Variants in SERPINB8 observed in about 807,000 individuals in gnomAD.
SERPINB8 encodes the protein serpin family B member 8.
Under a neutral mutation model 35.3 loss-of-function variants are expected in SERPINB8, and 25 were observed. The observed-to-expected ratio is 0.71, with a 90% CI of 0.52 to 0.99. The LOEUF is 0.99. Ranked by LOEUF, SERPINB8 falls within the 50% of genes least tolerant of loss-of-function variation. The pLI is 0.00. For synonymous variants in SERPINB8, 186 were observed against 160.8 expected (o/e 1.16, Z -1.19); for missense variants, 484 against 446.5 (o/e 1.08, Z -0.76).
chr18:64,007,090 GA>G (rs1568080998), downstream of SERPINB8, among the ~76,000 whole-genome samples: 1 of 151,456 alleles, frequency 6.6e-6, no homozygotes, highest in African/African-American at 2.4e-5. Context: ...TAACTGCAAT[GA>G]AAAAAATACA....
At chr18:63,974,236 C>T (rs2050543979) in intron 1 of SERPINB8, among the ~76,000 whole-genome samples, 1 of 152,194 alleles carries the variant, frequency 6.6e-6, no homozygotes, top group Admixed American at 6.5e-5. Context: ...TGAAACTACG[C>T]ATTTCCATAT....
At chr18:63,999,047 G>A (rs1338382016) in intron 1 of SERPINB8, among the ~76,000 whole-genome samples, 1 of 152,212 alleles carries the variant, frequency 6.6e-6, no homozygotes, top group East Asian at 1.9e-4. Flanking sequence ...CCATGTCACA[G>A]TCAATGAGGA....
chr18:63,994,370 G>A (rs1400432033), downstream of SERPINB8, among the ~76,000 whole-genome samples: 3 of 151,892 alleles, frequency 2.0e-5, no homozygotes, highest in East Asian at 3.9e-4. Context: ...TTTGACAAAG[G>A]AGCTGAGTGG....
intron 1 of SERPINB8, among the ~76,000 whole-genome samples, chr18:63,976,104 G>C (rs1035172694): frequency 2.6e-5 from 4 of 152,034 alleles, no homozygotes; most frequent in Non-Finnish European, 4.4e-5. Flanking sequence ...TATTTTTCTT[G>C]TTTGACTACA....
downstream of SERPINB8, among the ~76,000 whole-genome samples, chr18:64,007,728 C>A (rs1011861565): frequency 1.3e-5 from 2 of 152,112 alleles, no homozygotes; most frequent in Non-Finnish European, 2.9e-5. Context: ...CCCTTTTATA[C>A]AATCAGATCT....
intron 1 of SERPINB8, among the ~76,000 whole-genome samples, chr18:63,996,577 G>A (rs148966898): frequency 6.6e-6 from 1 of 152,296 alleles, no homozygotes. Flanking sequence ...AATAGGTTAT[G>A]CTCTGGGGAG....
chr18:63,981,602 A>T, intron 3 of SERPINB8, 119 bp from the exon 4 acceptor site: 1 of 700,788 alleles, frequency 1.4e-6, no homozygotes, highest in Admixed American at 2.3e-5. Flanking sequence ...TGCACCTTGA[A>T]GTGGAGTGTG....
intron 7 of SERPINB8, among the ~76,000 whole-genome samples, chr18:64,017,927 A>T (rs2050958142): frequency 6.6e-6 from 1 of 152,218 alleles, no homozygotes; most frequent in Admixed American, 6.5e-5. Flanking sequence ...TATAATAATA[A>T]TTTTAAAACT....
At chr18:63,983,232 C>T (rs772341878) in intron 4 of SERPINB8, among the ~76,000 whole-genome samples, 1 of 152,152 alleles carries the variant, frequency 6.6e-6, no homozygotes, top group Non-Finnish European at 1.5e-5. Flanking sequence ...GGTTGACTGC[C>T]CCATAGTCAG....
rs1232562441 is a variant in SERPINB8 at position 63,985,075 on chromosome 18, C to CT, written c.568-15dup. On this transcript the variant is annotated splice_polypyrimidine_tract_variant and intron_variant, in intron 5 of 6. Coordinates refer to ENST00000397985, the MANE Select transcript of SERPINB8 (RefSeq NM_002640.4). ...TTATACCCACTTTTCAGTAATCGAA[C>CT]TTTAATTTTTCCGTTAGGAAAAAAA... 2.5e-6 allele frequency: 4 copies of CT among 1,612,030 alleles called. No homozygotes were observed. The highest frequency in any genetic ancestry group is 3.4e-6 in the Non-Finnish European group (4 of 1,178,676).
chr18:64,015,599 T>C (rs980506337), intron 7 of SERPINB8, among the ~76,000 whole-genome samples: 8 of 152,374 alleles, frequency 5.3e-5, no homozygotes, highest in Admixed American at 2.6e-4. Context: ...TCTGGTGTGC[T>C]TGTTATGTCG....
rs891269715 is a variant in SERPINB8 at position 63,996,554 on chromosome 18, G to A, written c.71-8265G>A. ...CAAAGTGACCTAAATTCCCCACATA[G>A]CTGCCATCAATGAATAGGTTATGCT... is the stretch of plus-strand genomic sequence containing the variant. On this transcript the variant is annotated intron_variant, in intron 1 of 1. Transcript: ENST00000493661. Among the ~76,000 whole-genome samples, 17 of 152,230 alleles carry A rather than the reference G, an allele frequency of 1.1e-4. No individual in the cohort carries two copies. The East Asian group carries it at 2.5e-3, about 22-fold the overall frequency.
intron 4 of SERPINB8, among the ~76,000 whole-genome samples, chr18:63,982,276 G>A (rs1379486351): frequency 1.3e-5 from 2 of 152,028 alleles, no homozygotes; most frequent in Non-Finnish European, 2.9e-5. Context: ...TTTTTAACTT[G>A]GCCATGGCTA....
chr18:63,977,355 C>T (rs2144795965), intron 1 of SERPINB8, among the ~76,000 whole-genome samples: 1 of 151,542 alleles, frequency 6.6e-6, no homozygotes, highest in South Asian at 2.1e-4. Context: ...GAGATGGAGT[C>T]TCACTCTGTT....
chr18:64,013,341 A>C (rs2050934586), intron 7 of SERPINB8, among the ~76,000 whole-genome samples: 1 of 152,074 alleles, frequency 6.6e-6, no homozygotes, highest in Admixed American at 6.5e-5. Flanking sequence ...AAATCAACCC[A>C]AAACCTTCCA....
chr18:64,005,236 T>C (rs1178537360), exon 2 of SERPINB8: 1 of 173,914 alleles, frequency 5.7e-6, no homozygotes, highest in East Asian at 1.5e-4. Flanking sequence ...ACAACTGGAA[T>C]TCTCCTACAT....
At chr18:64,015,779 G>C (rs1371058007) in intron 7 of SERPINB8, among the ~76,000 whole-genome samples, 22 of 152,002 alleles carry the variant, frequency 1.4e-4, no homozygotes, top group Admixed American at 1.4e-3. Context: ...TCCTCATTTG[G>C]GGCCTTTGAA....
At chr18:63,985,315 C>G in intron 6 of SERPINB8, 70 bp downstream of exon 6, 1 of 1,550,090 alleles carries the variant, frequency 6.5e-7, no homozygotes, top group East Asian at 2.3e-5. Context: ...GTTCATCTAC[C>G]AATTGGCATT....
chr18:63,986,294 C>T, intron 6 of SERPINB8: 9 of 1,609,930 alleles, frequency 5.6e-6, no homozygotes, highest in Non-Finnish European at 7.6e-6. Context: ...GAAGCTAACT[C>T]CAGGACAGGC....
Sources: allele counts gnomAD v4.1 joint callset (sites outside exome capture counted in the v4.1 genomes callset), GRCh38; gene constraint gnomAD v4.1.1; transcripts MANE v1.5; gene names NCBI Gene and HGNC (gene_info 2026-07-23, HGNC 2026-07-21).